The following MYO1B variants were observed in gnomAD, a reference collection of about 807,000 sequenced individuals.
The protein encoded by MYO1B is myosin IB.
A neutral mutation model predicts 159.7 loss-of-function variants in MYO1B; 72 were observed. The ratio of observed to expected loss-of-function variants is 0.45; its 90% CI spans 0.37 to 0.55. The LOEUF is 0.55. MYO1B is among the 20% of genes least tolerant of loss of function. The pLI, the probability that MYO1B is intolerant of heterozygous loss-of-function variation, is 0.00. For missense variants in MYO1B, 1,062 were observed against 1,364.8 expected, an observed-to-expected ratio of 0.78 and a Z score of 3.50; for synonymous variants, 468 against 473.8, an observed-to-expected ratio of 0.99 and a Z score of 0.16.
chr2:191,380,028 AAAAC>A (rs534976298), intron 13 of MYO1B, among the ~76,000 whole-genome samples: 7 of 151,456 alleles, frequency 4.6e-5, no homozygotes, highest in East Asian at 1.9e-4. Flanking sequence ...TTCAAGACAT[AAAAC>A]AAACAAACTT....
At chr2:191,268,326 T>C (rs1237860528) in intron 1 of MYO1B, among the ~76,000 whole-genome samples, 1 of 152,188 alleles carries the variant, frequency 6.6e-6, no homozygotes. Flanking sequence ...GAACCCTGGT[T>C]TCTTTTTTTC....
chr2:191,287,659 G>T (rs575375637), intron 2 of MYO1B, among the ~76,000 whole-genome samples: 1 of 152,114 alleles, frequency 6.6e-6, no homozygotes, highest in East Asian at 1.9e-4. Context: ...ATACATTGAA[G>T]AATTATTATT....
At chr2:191,358,476 A>G (rs1413542683) in intron 7 of MYO1B, among the ~76,000 whole-genome samples, 4 of 152,160 alleles carry the variant, frequency 2.6e-5, no homozygotes, top group Non-Finnish European at 4.4e-5. Flanking sequence ...GCAAGTGAAT[A>G]TTATTCTTGA....
intron 22 of MYO1B, 65 bp from the exon 23 acceptor site, chr2:191,400,684 T>G: frequency 1.9e-6 from 3 of 1,561,106 alleles, no homozygotes; most frequent in Non-Finnish European, 2.6e-6. Flanking sequence ...CTTTCTTCAT[T>G]GAAAACCAGC....
At chr2:191,285,880 T>C (rs1357129785) in intron 2 of MYO1B, among the ~76,000 whole-genome samples, 1 of 152,120 alleles carries the variant, frequency 6.6e-6, no homozygotes, top group Non-Finnish European at 1.5e-5. Context: ...AGATTTGTTA[T>C]AGCCTGGGAT....
At chr2:191,350,290 ATAGTT>A in intron 7 of MYO1B, 65 bp downstream of exon 7, 1 of 1,180,768 alleles carries the variant, frequency 8.5e-7, no homozygotes, top group South Asian at 1.3e-5. Context: ...TTATAGTAGA[ATAGTT>A]TAGATACTTG....
At chr2:191,252,589 A>C (rs901555099) in intron 1 of MYO1B, among the ~76,000 whole-genome samples, 4 of 152,180 alleles carry the variant, frequency 2.6e-5, no homozygotes, top group African/African-American at 7.2e-5. Context: ...GAATGGCAGA[A>C]TGTTGCTATT....
chr2:191,286,708 C>T (rs536364947), intron 2 of MYO1B, among the ~76,000 whole-genome samples: 21 of 152,176 alleles, frequency 1.4e-4, no homozygotes, highest in Non-Finnish European at 2.4e-4. Flanking sequence ...TGAGGCGGGC[C>T]GATTGCTTTA....
At chr2:191,280,136 T>C (rs1254307889) in intron 2 of MYO1B, among the ~76,000 whole-genome samples, 1 of 152,198 alleles carries the variant, frequency 6.6e-6, no homozygotes, top group Non-Finnish European at 1.5e-5. Flanking sequence ...TACGACTCTC[T>C]AGAACATTCA....
intron 20 of MYO1B, among the ~76,000 whole-genome samples, chr2:191,395,463 G>A (rs996604717): frequency 2.0e-5 from 3 of 152,232 alleles, no homozygotes; most frequent in African/African-American, 7.2e-5. Flanking sequence ...CTCAGAGAAG[G>A]GGGGCTGAGC....
intron 26 of MYO1B, among the ~76,000 whole-genome samples, chr2:191,409,839 A>C (rs748199848): frequency 3.9e-5 from 6 of 152,188 alleles, no homozygotes; most frequent in Admixed American, 2.6e-4. Context: ...TCGATAACCT[A>C]GTCAGTTGAT....
chr2:191,337,546 G>A (rs1281186451), intron 4 of MYO1B, among the ~76,000 whole-genome samples: 1 of 152,042 alleles, frequency 6.6e-6, no homozygotes, highest in Non-Finnish European at 1.5e-5. Flanking sequence ...TAAATGTTCT[G>A]CCATTTTCTG....
chr2:191,376,393 T>C (rs1355927905), intron 13 of MYO1B, among the ~76,000 whole-genome samples: 3 of 152,240 alleles, frequency 2.0e-5, no homozygotes, highest in African/African-American at 7.2e-5. Context: ...GCATTATATT[T>C]TTCTATAGGA....
At chr2:191,327,770 C>T (rs1021202247) in intron 3 of MYO1B, among the ~76,000 whole-genome samples, 1 of 152,182 alleles carries the variant, frequency 6.6e-6, no homozygotes, top group Non-Finnish European at 1.5e-5. Context: ...TTCAAAGGAA[C>T]AAGCTAGAAC....
chr2:191,328,863 T>C (rs967978465), intron 3 of MYO1B, among the ~76,000 whole-genome samples: 5 of 152,226 alleles, frequency 3.3e-5, no homozygotes, highest in African/African-American at 1.2e-4. Flanking sequence ...TGAGTTTCTC[T>C]GAGTCCATTC....
In MYO1B at chr2:191,254,690, G is replaced by C. The variant is rs554776338; in HGVS notation, c.-10+9064G>C. ...CCAACTAATTTTTAAATTTTTTGTA[G>C]AGGTGATGTCTCATTGGTCCCAGGC... On this transcript the variant is annotated intron_variant, in intron 1 of 30. Transcript: ENST00000392318. 7.2e-5 allele frequency among the ~76,000 whole-genome samples: 11 copies of C among 152,128 alleles called. No homozygotes were observed. The South Asian group carries it at 2.3e-3, about 32-fold the overall frequency.
intron 2 of MYO1B, among the ~76,000 whole-genome samples, chr2:191,294,283 A>G (rs1688852893): frequency 6.6e-6 from 1 of 152,236 alleles, no homozygotes; most frequent in Non-Finnish European, 1.5e-5. Flanking sequence ...GGTTTTAAAG[A>G]GCAACTCAGT....
intron 1 of MYO1B, among the ~76,000 whole-genome samples, chr2:191,248,696 T>A (rs955060524): frequency 3.3e-5 from 5 of 152,226 alleles, no homozygotes; most frequent in Non-Finnish European, 7.3e-5. Context: ...GTTGAACCAT[T>A]GTAAATTGAG....
At chr2:191,279,212 T>C (rs957753399) in intron 2 of MYO1B, among the ~76,000 whole-genome samples, 4 of 152,258 alleles carry the variant, frequency 2.6e-5, no homozygotes, top group Admixed American at 1.3e-4. Flanking sequence ...GGGCTACTGT[T>C]TCCATGAGAT....
Sources: gnomAD v4.1 joint callset for allele counts (sites outside exome capture counted in the v4.1 genomes callset) on GRCh38, gnomAD v4.1.1 for gene constraint, MANE v1.5 for transcripts, NCBI Gene and HGNC (gene_info 2026-07-23, HGNC 2026-07-21) for gene names.